TNPO3: variants seen among roughly 807,000 people sequenced by gnomAD.
The protein encoded by TNPO3 is transportin-3.
Under a neutral mutation model 122.8 loss-of-function variants are expected in TNPO3, and 65 were observed. That is an observed-to-expected ratio of 0.53 (90% CI 0.43 to 0.65). TNPO3 has a LOEUF of 0.65. TNPO3 is among the 30% of genes least tolerant of loss of function. TNPO3 has a pLI of 0.00. For missense variants in TNPO3, 850 were observed against 1,136.7 expected (o/e 0.75, Z 3.63); for synonymous variants, 372 against 411.2 (o/e 0.90, Z 1.15).
At chr7:128,996,593 AT>A (rs1310619519) in intron 8 of TNPO3, among the ~76,000 whole-genome samples, 6 of 151,918 alleles carry the variant, frequency 3.9e-5, no homozygotes, top group Admixed American at 3.9e-4. Context: ...TATACAAATA[AT>A]TAGCCTGGCA....
chr7:129,000,615 T>C, intron 6 of TNPO3, 48 bp from the exon 7 acceptor site: 1 of 1,556,344 alleles, frequency 6.4e-7, no homozygotes, highest in Non-Finnish European at 8.8e-7. Flanking sequence ...ATCTGGATAT[T>C]ATAAGTATAT....
chr7:129,007,175 C>T (rs1802669182), intron 4 of TNPO3, among the ~76,000 whole-genome samples: 1 of 152,110 alleles, frequency 6.6e-6, no homozygotes, highest in South Asian at 2.1e-4. Context: ...ATACTATTAT[C>T]CCCATTATAC....
At chr7:128,980,102 T>C in intron 14 of TNPO3, 71 bp from the exon 15 acceptor site, 1 of 1,336,216 alleles carries the variant, frequency 7.5e-7, no homozygotes. Flanking sequence ...CCCTGATCCC[T>C]GCTTGCTTAC....
At chr7:128,978,551 C>T (rs952031304) in intron 16 of TNPO3, among the ~76,000 whole-genome samples, 1 of 152,206 alleles carries the variant, frequency 6.6e-6, no homozygotes. Context: ...CCCTTATAGA[C>T]AATGTACCTA....
At position 128,971,495 on chromosome 7, in the gene TNPO3, T is replaced by C. The variant is rs546928278; in HGVS notation, c.2430+931A>G. Reference sequence around the variant, plus strand: ...TGTATTTCTAATACCTTGAGAAAAATATTTTTTAAATTGCCTTTCCCTTCT... The same window carrying C: ...TGTATTTCTAATACCTTGAGAAAAACATTTTTTAAATTGCCTTTCCCTTCT... On this transcript the variant is annotated intron_variant, in intron 19 of 22. Coordinates refer to ENST00000265388, the MANE Select transcript of TNPO3 (RefSeq NM_012470.4). Among the ~76,000 whole-genome samples the C allele has an allele frequency of 8.5e-5, 13 of 152,342 alleles. No homozygotes were observed. The South Asian group carries it at 2.5e-3, about 29-fold the overall frequency.
chr7:128,962,258 G>A (rs1410498340), intron 21 of TNPO3, among the ~76,000 whole-genome samples: 2 of 151,774 alleles, frequency 1.3e-5, no homozygotes, highest in African/African-American at 2.4e-5. Flanking sequence ...CCAGCTACTC[G>A]GGAGGCTGAG....
chr7:128,983,930 CT>C (rs1799892423), intron 13 of TNPO3, among the ~76,000 whole-genome samples: 1 of 152,158 alleles, frequency 6.6e-6, no homozygotes, highest in East Asian at 1.9e-4. Context: ...GGACAAACCT[CT>C]TTAAAACATT....
chr7:129,018,970 C>T (rs1014788237), intron 1 of TNPO3, among the ~76,000 whole-genome samples: 7 of 152,190 alleles, frequency 4.6e-5, no homozygotes, highest in Admixed American at 2.0e-4. Context: ...CCCCCTGCCT[C>T]GGCCTCCCAA....
At chr7:129,003,296 G>T (rs1460427384) in intron 5 of TNPO3, among the ~76,000 whole-genome samples, 3 of 107,734 alleles carry the variant, frequency 2.8e-5, no homozygotes, top group Non-Finnish European at 3.7e-5. Flanking sequence ...TAATTTTTAG[G>T]GTTTTTTTTT....
chr7:128,967,451 C>G, intron 20 of TNPO3, 59 bp from the exon 21 acceptor site: 2 of 1,108,342 alleles, frequency 1.8e-6, no homozygotes, highest in South Asian at 2.6e-5. Flanking sequence ...CACCTGAGAC[C>G]CTACAGATAC....
At chr7:129,023,939 C>T (rs1804813328) in intron 1 of TNPO3, among the ~76,000 whole-genome samples, 1 of 152,130 alleles carries the variant, frequency 6.6e-6, no homozygotes, top group Non-Finnish European at 1.5e-5. Context: ...ATGGATTAAG[C>T]ACTGAACAAT....
At chr7:128,987,473 A>C (rs999515268) in intron 11 of TNPO3, among the ~76,000 whole-genome samples, 2 of 152,242 alleles carry the variant, frequency 1.3e-5, no homozygotes, top group Non-Finnish European at 2.9e-5. Flanking sequence ...TAAGTGCTCC[A>C]AGAAAGTTTA....
intron 20 of TNPO3, among the ~76,000 whole-genome samples, chr7:128,969,453 T>C (rs1798239996): frequency 7.0e-6 from 1 of 141,850 alleles, no homozygotes; most frequent in Non-Finnish European, 1.6e-5. Flanking sequence ...CAATGAGTAC[T>C]TTCCTGAACT....
Position 129,005,051 on chromosome 7 carries a change from T to C in TNPO3, c.661A>G (p.Asn221Asp). Residue 221 changes from asparagine to aspartate, a missense_variant, in exon 5 of 23, where the codon AAC becomes GAC. Transcript: ENST00000265388. ...LGVLDSNFMA[N>D]NKLLALLFEV... ...AAAAGGAGTGCTAGTAATTTATTGTTAGCCATGAAGTTACTGTCCAAAACT... is the reference window on the plus strand; with the variant it reads ...AAAAGGAGTGCTAGTAATTTATTGTCAGCCATGAAGTTACTGTCCAAAACT... 6.2e-7 allele frequency: 1 copy of C among 1,613,654 alleles called. No homozygotes were observed. The highest frequency in any genetic ancestry group is 8.5e-7 in the Non-Finnish European group (1 of 1,179,756).
At chr7:129,045,486 A>G (rs1584594662) in intron 1 of TNPO3, among the ~76,000 whole-genome samples, 1 of 148,558 alleles carries the variant, frequency 6.7e-6, no homozygotes, top group African/African-American at 2.5e-5. Flanking sequence ...ACAGAACAAG[A>G]CCCTGTCTCA....
chr7:128,968,885 G>GA (rs113220607), intron 20 of TNPO3, among the ~76,000 whole-genome samples: 12 of 148,286 alleles, frequency 8.1e-5, no homozygotes, highest in African/African-American at 3.0e-4. Context: ...TAATTAAAAA[G>GA]AAAAAAAATT....
Position 129,054,643 on chromosome 7 carries a change from C to T in TNPO3, c.120+8G>A. On this transcript the variant is annotated splice_region_variant and intron_variant, in intron 1 of 22. Transcript: ENST00000265388. ...TGCGGCACAGAACTGCCTCTCTGGG[C>T]CCCTCACCGAACGCTGCAGCTCCCC... The T allele has an allele frequency of 6.2e-7, 1 of 1,613,474 alleles. No individual in the cohort carries two copies. The highest frequency in any genetic ancestry group is 1.3e-5 in the African/African-American group (1 of 75,064).
chr7:129,003,510 T>A (rs1001585655), intron 5 of TNPO3, among the ~76,000 whole-genome samples: 5 of 149,984 alleles, frequency 3.3e-5, no homozygotes, highest in African/African-American at 1.2e-4. Context: ...CTAGAAAAAA[T>A]TAAAAATTAG....
intron 1 of TNPO3, among the ~76,000 whole-genome samples, chr7:129,020,022 G>C (rs1232030280): frequency 6.6e-6 from 1 of 151,824 alleles, no homozygotes; most frequent in Non-Finnish European, 1.5e-5. Context: ...TAAAAAATTA[G>C]CTGGGCATGG....
Sources: gnomAD v4.1 joint callset for allele counts (sites outside exome capture counted in the v4.1 genomes callset) on GRCh38, gnomAD v4.1.1 for gene constraint, MANE v1.5 for transcripts, NCBI Gene and HGNC (gene_info 2026-07-23, HGNC 2026-07-21) for gene names.